LOC128462377: variants seen among roughly 807,000 people sequenced by gnomAD.
chr16:89,363,740 G>C, the LOC128462377 span, among the ~76,000 whole-genome samples: 238 of 152,228 alleles, frequency 1.6e-3, no homozygotes, highest in African/African-American at 5.6e-3. Context: ...GGAAGAACAC[G>C]GGCCTGCAGG....
the LOC128462377 span, among the ~76,000 whole-genome samples, chr16:89,389,007 T>TC: frequency 6.6e-6 from 1 of 152,116 alleles, no homozygotes; most frequent in Non-Finnish European, 1.5e-5. Flanking sequence ...ATGTCCAGCA[T>TC]CCCATCAAAT....
chr16:89,396,306 T>C, the LOC128462377 span, among the ~76,000 whole-genome samples: 1 of 149,078 alleles, frequency 6.7e-6, no homozygotes, highest in African/African-American at 2.6e-5. Flanking sequence ...GGGTGCACAC[T>C]GTGTGCTGAC....
At chr16:89,411,807 A>G in the LOC128462377 span, among the ~76,000 whole-genome samples, 13 of 152,178 alleles carry the variant, frequency 8.5e-5, no homozygotes, top group Admixed American at 4.6e-4. Flanking sequence ...TAGAGTGGGG[A>G]AAAAAAGAGA....
the LOC128462377 span, among the ~76,000 whole-genome samples, chr16:89,337,426 A>ATTTTTTTTTTTTT: frequency 4.6e-5 from 2 of 43,770 alleles, no homozygotes; most frequent in South Asian, 1.1e-3. Flanking sequence ...GGTCTAAGCA[A>ATTTTTTTTTTTTT]TTCTTTTTTT....
chr16:89,407,739 A>G, the LOC128462377 span, among the ~76,000 whole-genome samples: 1 of 151,722 alleles, frequency 6.6e-6, no homozygotes, highest in Non-Finnish European at 1.5e-5. Context: ...AGTCCCAGCT[A>G]CTTGAGAGGC....
the LOC128462377 span, among the ~76,000 whole-genome samples, chr16:89,384,268 C>T: frequency 2.0e-5 from 3 of 152,144 alleles, no homozygotes; most frequent in Non-Finnish European, 2.9e-5. Context: ...CGGTGGCTCA[C>T]GCCTGTAATC....
chr16:89,338,549 T>C, the LOC128462377 span, among the ~76,000 whole-genome samples: 2 of 151,162 alleles, frequency 1.3e-5, no homozygotes, highest in African/African-American at 4.9e-5. Context: ...GCCAACATGA[T>C]GACTGTCTCT....
At chr16:89,343,898 G>C in the LOC128462377 span, 25 of 152,278 alleles carry the variant, frequency 1.6e-4, no homozygotes, top group Non-Finnish European at 2.6e-4. Flanking sequence ...GGAAAACGAA[G>C]GCACGTTGGA....
the LOC128462377 span, among the ~76,000 whole-genome samples, chr16:89,353,154 C>A: frequency 6.6e-6 from 1 of 151,994 alleles, no homozygotes; most frequent in Admixed American, 6.5e-5. Flanking sequence ...CCAGCCTGGC[C>A]AATATGGTGA....
At chr16:89,351,799 G>A in the LOC128462377 span, among the ~76,000 whole-genome samples, 1 of 152,224 alleles carries the variant, frequency 6.6e-6, no homozygotes, top group Admixed American at 6.5e-5. Context: ...TGACAGCAAT[G>A]TTCTAGAACT....
chr16:89,393,314 ATT>A, the LOC128462377 span, among the ~76,000 whole-genome samples: 116 of 139,306 alleles, frequency 8.3e-4, no homozygotes, highest in African/African-American at 2.8e-3. Context: ...TTTTATTTTT[ATT>A]TTTTTTTTTT....
At chr16:89,415,829 C>CAAACAAAAA in the LOC128462377 span, among the ~76,000 whole-genome samples, 1 of 39,744 alleles carries the variant, frequency 2.5e-5, no homozygotes, top group African/African-American at 9.3e-5. Flanking sequence ...GACTCTGTCT[C>CAAACAAAAA]AAAAAAAAAA....
At chr16:89,415,632 A>T in the LOC128462377 span, among the ~76,000 whole-genome samples, 4 of 151,360 alleles carry the variant, frequency 2.6e-5, no homozygotes, top group Non-Finnish European at 5.9e-5. Context: ...ATTCAAGACC[A>T]GCCTGGCCAA....
chr16:89,321,388 G>A, the LOC128462377 span, among the ~76,000 whole-genome samples: 1 of 151,024 alleles, frequency 6.6e-6, no homozygotes, highest in East Asian at 2.0e-4. Context: ...CAGGACTGGG[G>A]CTGCAGGGCG....
chr16:89,355,911 C>T, the LOC128462377 span, among the ~76,000 whole-genome samples: 2 of 152,122 alleles, frequency 1.3e-5, no homozygotes, highest in Non-Finnish European at 2.9e-5. Context: ...CAGCACAGCT[C>T]GGGAGACCAG....
the LOC128462377 span, among the ~76,000 whole-genome samples, chr16:89,376,583 G>A: frequency 2.3e-4 from 35 of 152,170 alleles, no homozygotes; most frequent in Middle Eastern, 6.8e-3. Context: ...GACCACAGGC[G>A]CCCACCACCA....
chr16:89,350,690 G>A, the LOC128462377 span, among the ~76,000 whole-genome samples: 2 of 152,290 alleles, frequency 1.3e-5, no homozygotes, highest in South Asian at 2.1e-4. Flanking sequence ...TTGGGGTGAT[G>A]GAAATACTAC....
At chr16:89,331,264 C>G in the LOC128462377 span, among the ~76,000 whole-genome samples, 1 of 152,198 alleles carries the variant, frequency 6.6e-6, no homozygotes, top group African/African-American at 2.4e-5. Flanking sequence ...TGATGAAATA[C>G]ATTCTTAATA....
the LOC128462377 span, among the ~76,000 whole-genome samples, chr16:89,366,743 C>G: frequency 1.3e-5 from 2 of 152,176 alleles, no homozygotes; most frequent in Non-Finnish European, 2.9e-5. Context: ...AACAAAGCAG[C>G]TCTCTTGAAT....
Sources: gnomAD v4.1 joint callset for allele counts (sites outside exome capture counted in the v4.1 genomes callset) on GRCh38, gnomAD v4.1.1 for gene constraint, MANE v1.5 for transcripts.